Variants in PRKN observed in about 807,000 individuals in gnomAD.
PRKN encodes the protein E3 ubiquitin-protein ligase parkin.
PRKN carries 56 observed loss-of-function variants against 59.5 expected under a neutral mutation model. That is an observed-to-expected ratio of 0.94 (90% CI 0.76 to 1.18). The LOEUF is 1.18. Among genes scored for constraint, PRKN ranks in the 50% most tolerant of loss-of-function variants. The pLI is 0.00. For synonymous variants in PRKN, 250 were observed against 222.1 expected, an observed-to-expected ratio of 1.13 and a Z score of -1.12; for missense variants, 657 against 596.4, an observed-to-expected ratio of 1.10 and a Z score of -1.06.
At chr6:162,716,774 ACACACACACGCG>A (rs1562521337) in intron 1 of PRKN, among the ~76,000 whole-genome samples, 2 of 132,118 alleles carry the variant, frequency 1.5e-5, no homozygotes, top group Non-Finnish European at 3.1e-5. Context: ...GCGCGCACGC[ACACACACACGCG>A]CACACACACA....
intron 7 of PRKN, among the ~76,000 whole-genome samples, chr6:161,775,121 G>A (rs1178994644): frequency 4.6e-5 from 7 of 152,064 alleles, no homozygotes; most frequent in African/African-American, 7.2e-5. Context: ...ATAGGCTCTG[G>A]GTAGTTTAAC....
chr6:162,066,433 G>A (rs998481608), intron 4 of PRKN, among the ~76,000 whole-genome samples: 1 of 152,058 alleles, frequency 6.6e-6, no homozygotes, highest in South Asian at 2.1e-4. Context: ...CTATGGTCTA[G>A]ATATGTCCCC....
At chr6:162,153,563 G>A (rs929734220) in intron 4 of PRKN, among the ~76,000 whole-genome samples, 4 of 152,292 alleles carry the variant, frequency 2.6e-5, no homozygotes, top group South Asian at 2.1e-4. Context: ...TGGGGTACCC[G>A]CACTTGTTGG....
chr6:161,792,617 GGA>G (rs779784303), intron 6 of PRKN, among the ~76,000 whole-genome samples: 6 of 152,176 alleles, frequency 3.9e-5, no homozygotes, highest in Non-Finnish European at 8.8e-5. Flanking sequence ...CTCACTTGAG[GGA>G]GAGAGTCTTG....
chr6:161,995,648 A>G (rs1424545603), intron 5 of PRKN, among the ~76,000 whole-genome samples: 1 of 152,176 alleles, frequency 6.6e-6, no homozygotes, highest in Non-Finnish European at 1.5e-5. Context: ...CAACAGGTAT[A>G]TGAAAAAAAA....
intron 1 of PRKN, among the ~76,000 whole-genome samples, chr6:162,486,197 G>T (rs921865250): frequency 6.6e-6 from 1 of 152,084 alleles, no homozygotes; most frequent in African/African-American, 2.4e-5. Context: ...GGCTCTTAAA[G>T]CTGCATTACT....
chr6:161,876,705 A>G (rs144178626), intron 6 of PRKN, among the ~76,000 whole-genome samples: 133 of 152,236 alleles, frequency 8.7e-4, no homozygotes, highest in African/African-American at 3.1e-3. Context: ...CATGTATGTG[A>G]TTTTGAAAAT....
chr6:162,461,499 CAAAAAA>C (rs780424226), intron 1 of PRKN, among the ~76,000 whole-genome samples: 3 of 36,512 alleles, frequency 8.2e-5, no homozygotes, highest in Non-Finnish European at 1.4e-4. Flanking sequence ...TAAAGTGTCT[CAAAAAA>C]AAAAAAAAAA....
chr6:161,561,998 C>G lies in PRKN; in HGVS notation c.933+7357G>C, dbSNP rs1780472913. Among the ~76,000 whole-genome samples, 1 of 152,186 alleles carries G rather than the reference C, an allele frequency of 6.6e-6. No individual in the cohort carries two copies. Among genetic ancestry groups the G allele is most frequent in the Non-Finnish European group, 1.5e-5 (1 of 68,030 alleles). On this transcript the variant is annotated intron_variant, in intron 8 of 11. Transcript: ENST00000366898. This position sits in a 1 kb window ranked among gnomAD's most constrained non-coding sequence, Gnocchi z 5.0. ...TCCCTGACCTCATCTTCTGCAAACT[C>G]TCAGTAGCATTCAACACAAATCACC... is the stretch of plus-strand genomic sequence containing the variant.
chr6:162,561,513 G>C lies in PRKN; in HGVS notation c.8-118040C>G, dbSNP rs76113749. Among the ~76,000 whole-genome samples the C allele has an allele frequency of 6.1e-3, 923 of 152,176 alleles. 5 individuals are homozygous for C. The highest frequency in any genetic ancestry group is 0.024 in the Middle Eastern group (7 of 294). On this transcript the variant is annotated intron_variant, in intron 1 of 11. Transcript: ENST00000366898. ...AACCAAAAATCAGGTGAGCACTCAT[G>C]GTACTTGATTTCCACTTCATATCCC...
chr6:161,895,623 T>C (rs117287596), intron 6 of PRKN, among the ~76,000 whole-genome samples: 4,140 of 51,574 alleles, frequency 0.08, 638 homozygotes, highest in African/African-American at 0.27. Context: ...CCCCACCTGC[T>C]GTTATGCTCC....
intron 1 of PRKN, among the ~76,000 whole-genome samples, chr6:162,516,333 C>T (rs1777854378): frequency 6.6e-6 from 1 of 152,224 alleles, no homozygotes. Flanking sequence ...TTGCACCATA[C>T]ACATCTGCAC....
At chr6:162,420,876 TG>T (rs757307613) in intron 2 of PRKN, among the ~76,000 whole-genome samples, 16 of 152,216 alleles carry the variant, frequency 1.1e-4, no homozygotes, top group Admixed American at 3.9e-4. Context: ...AATACAGTTT[TG>T]GTCTTCTACT....
intron 4 of PRKN, among the ~76,000 whole-genome samples, chr6:162,190,469 G>T (rs1784229438): frequency 6.6e-6 from 1 of 152,172 alleles, no homozygotes; most frequent in African/African-American, 2.4e-5. Flanking sequence ...AGTGCTTTCA[G>T]CAAGAATCTG....
intron 2 of PRKN, among the ~76,000 whole-genome samples, chr6:162,414,674 G>A (rs1788528186): frequency 1.5e-5 from 2 of 133,410 alleles, no homozygotes; most frequent in Non-Finnish European, 3.1e-5. Flanking sequence ...TCGCACCACT[G>A]CACTCCAGCC....
chr6:162,276,015 CAAAT>C (rs1780621706), intron 2 of PRKN, among the ~76,000 whole-genome samples: 1 of 152,028 alleles, frequency 6.6e-6, no homozygotes. Context: ...ATCATTTTGA[CAAAT>C]AAAAATGGCA....
At chr6:162,094,089 A>G (rs895965710) in intron 4 of PRKN, among the ~76,000 whole-genome samples, 14 of 152,152 alleles carry the variant, frequency 9.2e-5, no homozygotes, top group Non-Finnish European at 7.4e-5. Context: ...GCACGTCGAG[A>G]TGAGACGAAA....
intron 7 of PRKN, among the ~76,000 whole-genome samples, chr6:161,736,357 T>C (rs1787962980): frequency 1.3e-5 from 2 of 152,328 alleles, no homozygotes; most frequent in South Asian, 4.1e-4. Flanking sequence ...ATGTAGAAAA[T>C]CATATCTACC....
At chr6:162,440,963 T>C (rs1486455548) in intron 2 of PRKN, among the ~76,000 whole-genome samples, 1 of 152,078 alleles carries the variant, frequency 6.6e-6, no homozygotes, top group Non-Finnish European at 1.5e-5. Flanking sequence ...TGCAATTACA[T>C]GTGTAACTTC....
Sources: gnomAD v4.1 joint callset for allele counts (sites outside exome capture counted in the v4.1 genomes callset) on GRCh38, gnomAD v4.1.1 for gene constraint, Gnocchi (gnomAD v3.1) non-coding constraint, MANE v1.5 for transcripts, NCBI Gene and HGNC (gene_info 2026-07-23, HGNC 2026-07-21) for gene names.